The following BAZ1B variants were observed in gnomAD, a reference collection of about 807,000 sequenced individuals.
The protein encoded by BAZ1B is tyrosine-protein kinase BAZ1B.
In BAZ1B, 22 loss-of-function variants were observed where a neutral mutation model predicts 153.8. The ratio of observed to expected loss-of-function variants is 0.14; its 90% CI spans 0.10 to 0.20. The LOEUF (loss-of-function observed/expected upper bound fraction) is 0.20, where lower values mean the gene tolerates loss of function less well. Among genes scored for constraint, BAZ1B ranks in the 10% least tolerant of loss-of-function variants. The probability of loss-of-function intolerance (pLI) is 1.00; values close to 1 mark genes in which losing one functional copy is unlikely to be tolerated. For synonymous variants in BAZ1B, 676 were observed against 633.4 expected (o/e 1.07, Z -1.01); for missense variants, 1,325 against 1,799.3 (o/e 0.74, Z 4.77).
At chr7:73,502,264 T>C (rs1790163550) in intron 3 of BAZ1B, among the ~76,000 whole-genome samples, 1 of 152,104 alleles carries the variant, frequency 6.6e-6, no homozygotes, top group Non-Finnish European at 1.5e-5. Flanking sequence ...CAAAACATGC[T>C]ATCTACATAG....
At chr7:73,451,051 G>C (rs782453539) in intron 13 of BAZ1B, 57 bp from the exon 14 acceptor site, 2 of 1,587,712 alleles carry the variant, frequency 1.3e-6, no homozygotes, top group Non-Finnish European at 1.7e-6. Flanking sequence ...CACTGAGAGA[G>C]AACTAGGAAC....
At chr7:73,468,668 C>A (rs1183708204) in intron 9 of BAZ1B, among the ~76,000 whole-genome samples, 5 of 152,280 alleles carry the variant, frequency 3.3e-5, no homozygotes, top group Middle Eastern at 6.8e-3. Context: ...AGTGTCCCTA[C>A]ATGATCCCCT....
chr7:73,513,774 C>T (rs983987879), intron 1 of BAZ1B, among the ~76,000 whole-genome samples: 1 of 152,078 alleles, frequency 6.6e-6, no homozygotes, highest in Non-Finnish European at 1.5e-5. Context: ...GTAGCTTACA[C>T]ATGCAATCCC....
chr7:73,469,935 T>C (rs781854661), intron 8 of BAZ1B, among the ~76,000 whole-genome samples: 2 of 152,328 alleles, frequency 1.3e-5, no homozygotes, highest in Middle Eastern at 3.4e-3. Flanking sequence ...CTTGAACTCC[T>C]GGCCTCAAGC....
In BAZ1B at chr7:73,478,007, T is replaced by A. The variant is rs1554573124; in HGVS notation, c.1454A>T (p.Asn485Ile). ...ALHLIAYYKENKDREDKRSAL... is the reference protein window; with the variant it reads ...ALHLIAYYKEIKDREDKRSAL... Reference sequence around the variant, plus strand: ...GCTCCTCTTGTCCTCCCTGTCTTTGTTTTCTTTGTAGTATGCAATGAGGTG... The same window carrying A: ...GCTCCTCTTGTCCTCCCTGTCTTTGATTTCTTTGTAGTATGCAATGAGGTG... The change falls in exon 7 of 20, where the codon AAC (asparagine) becomes ATC (isoleucine). Residue 485 changes from asparagine (N) to isoleucine (I), a missense_variant. Physicochemically the swap from Asn to Ile is moderately radical, Grantham distance 149. Around this residue, in one of 9 missense-constraint regions of BAZ1B, gnomAD observed 154 missense variants for 266.3 expected, o/e 0.58. Transcript: ENST00000339594. 6.2e-7 allele frequency: 1 copy of A among 1,614,052 alleles called. No individual in the cohort carries two copies. The highest frequency in any genetic ancestry group is 8.5e-7 in the Non-Finnish European group (1 of 1,180,004).
Position 73,476,965 on chromosome 7 carries a change from A to G in BAZ1B, c.2496T>C (p.Asp832=), listed in dbSNP as rs1280995511. ...CACTAATCATGTCTTCAGCTTCTGT[A>G]TCTACTTGGGGCTCAAACTTCACAA... ...KEIVKFEPQV[D]TEAEDMISAV... The change falls in exon 7 of 20, where the codon GAT becomes GAC. Residue 832 remains aspartate, a synonymous_variant. Coordinates refer to ENST00000339594, the MANE Select transcript of BAZ1B (RefSeq NM_032408.4). The G allele has an allele frequency of 6.2e-7, 1 of 1,614,142 alleles. No individual in the cohort carries two copies. Among genetic ancestry groups the G allele is most frequent in the Non-Finnish European group, 8.5e-7 (1 of 1,180,022 alleles).
intron 1 of BAZ1B, among the ~76,000 whole-genome samples, chr7:73,512,028 CAAAAAAAAAAAAA>C (rs1168749967): frequency 2.9e-3 from 100 of 34,746 alleles, no homozygotes; most frequent in African/African-American, 0.011. Flanking sequence ...AACTCCACCT[CAAAAAAAAAAAAA>C]AAAAAAAAAA....
chr7:73,520,352 C>T (rs535891243), intron 1 of BAZ1B, among the ~76,000 whole-genome samples: 3 of 152,064 alleles, frequency 2.0e-5, no homozygotes, highest in Admixed American at 6.6e-5. Context: ...AAGTGCCTTA[C>T]CTTATACCAT....
chr7:73,442,550 C>T lies in BAZ1B; in HGVS notation c.4098G>A (p.Glu1366=), dbSNP rs1485417239. ...VKYRFSWPFR[E]PVTRDEAEDY... ...CCTCGGCCTCATCTCTGGTCACAGG[C>T]TCCCTGTGGAGAAGAACCAAATGGA... Residue 1366 remains glutamate, a synonymous_variant, in exon 19 of 20, where the codon GAG becomes GAA. Transcript: ENST00000339594. 6.2e-7 allele frequency: 1 copy of T among 1,606,524 alleles called. No homozygotes were observed. The highest frequency in any genetic ancestry group is 1.3e-5 in the African/African-American group (1 of 74,738).
Position 73,442,183 on chromosome 7 carries a change from C to T in BAZ1B, c.*13G>A, listed in dbSNP as rs782300349. 12 of 1,309,046 alleles carry T rather than the reference C, an allele frequency of 9.2e-6. No homozygotes were observed. The highest frequency in any genetic ancestry group is 2.6e-4 in the Middle Eastern group (1 of 3,786). The allele number at this position is 1,309,046 out of a possible 1,614,324, so 81.1% of individuals were successfully genotyped here. On this transcript the variant is annotated splice_region_variant and 3_prime_UTR_variant, in exon 19 of 20. Transcript: ENST00000339594. ...TCCCCCCACCTCAGCTCCCTTACCA[C>T]GGCCCTGCCTCTCTACTTCTTCTGT...
chr7:73,519,300 A>G lies in BAZ1B; in HGVS notation c.107+2527T>C, dbSNP rs549002800. Among the ~76,000 whole-genome samples the G allele has an allele frequency of 3.4e-4, 52 of 152,358 alleles. No individual in the cohort carries two copies. In the South Asian group the frequency reaches 7.2e-3, roughly 21 times the overall value. On this transcript the variant is annotated intron_variant, in intron 1 of 19. Transcript: ENST00000339594. ...ACATAATTGTAAATATAAGTTGAGAACTGGGAATACTACTTCAAAGGCAGC... is the reference window on the plus strand; with the variant it reads ...ACATAATTGTAAATATAAGTTGAGAGCTGGGAATACTACTTCAAAGGCAGC...
intron 17 of BAZ1B, 60 bp downstream of exon 17, chr7:73,443,924 T>C (rs2116214143): frequency 6.2e-7 from 1 of 1,606,508 alleles, no homozygotes; most frequent in East Asian, 2.3e-5. Context: ...GAATTCCTAA[T>C]TGCTGGGGTA....
In BAZ1B at chr7:73,495,208, A is replaced by G. The variant is rs1789825878; in HGVS notation, c.572-2287T>C. Among the ~76,000 whole-genome samples the G allele has an allele frequency of 3.3e-5, 5 of 152,306 alleles. No individual in the cohort carries two copies. The South Asian group carries it at 1.0e-3, about 32-fold the overall frequency. ...TGAAGCAGGAGAATCACTTGAACCC[A>G]TGAGGCGAAGGTTGCAGTGAGCCAA... On this transcript the variant is annotated intron_variant, in intron 4 of 19. Coordinates refer to ENST00000339594, the MANE Select transcript of BAZ1B (RefSeq NM_032408.4).
At chr7:73,517,161 C>T (rs1281496280) in intron 1 of BAZ1B, among the ~76,000 whole-genome samples, 4 of 150,234 alleles carry the variant, frequency 2.7e-5, no homozygotes, top group Non-Finnish European at 4.4e-5. Context: ...CCAGTCTGGG[C>T]GACACAGCAA....
At chr7:73,485,625 G>GAA (rs71517389) in intron 6 of BAZ1B, among the ~76,000 whole-genome samples, 25 of 75,888 alleles carry the variant, frequency 3.3e-4, no homozygotes, top group South Asian at 5.3e-4. Flanking sequence ...GCCTACCTCA[G>GAA]AAAAAAAAAA....
At chr7:73,507,463 G>A (rs1031262676) in intron 3 of BAZ1B, among the ~76,000 whole-genome samples, 2 of 152,024 alleles carry the variant, frequency 1.3e-5, no homozygotes, top group Admixed American at 6.6e-5. Context: ...TGAGAGGATC[G>A]CTTGAGCCCA....
At chr7:73,518,435 T>C (rs534245622) in intron 1 of BAZ1B, among the ~76,000 whole-genome samples, 9 of 150,320 alleles carry the variant, frequency 6.0e-5, no homozygotes, top group Non-Finnish European at 1.3e-4. Flanking sequence ...AATAAATAAA[T>C]AAAAATAAAA....
chr7:73,486,962 T>C (rs575846390), intron 6 of BAZ1B, among the ~76,000 whole-genome samples: 120 of 152,298 alleles, frequency 7.9e-4, no homozygotes, highest in Non-Finnish European at 2.1e-4. Context: ...ATCAGTGACA[T>C]GTCAGATAGT....
chr7:73,515,342 C>G (rs1455427056), intron 1 of BAZ1B, among the ~76,000 whole-genome samples: 1 of 151,986 alleles, frequency 6.6e-6, no homozygotes, highest in Non-Finnish European at 1.5e-5. Flanking sequence ...AGGAATGTAC[C>G]TCCCCTCTTC....
Sources: gnomAD v4.1 joint callset for allele counts (sites outside exome capture counted in the v4.1 genomes callset) on GRCh38, gnomAD v4.1.1 for gene constraint, gnomAD v4.1.1 regional missense constraint, MANE v1.5 for transcripts, NCBI Gene and HGNC (gene_info 2026-07-23, HGNC 2026-07-21) for gene names.